LAMA2: variants seen among roughly 807,000 people sequenced by gnomAD.
LAMA2 encodes the protein laminin subunit alpha 2.
In LAMA2, 269 loss-of-function variants were observed where a neutral mutation model predicts 364.8. That is an observed-to-expected ratio of 0.74 (90% CI 0.67 to 0.82). The LOEUF (loss-of-function observed/expected upper bound fraction) is 0.82, where lower values mean the gene tolerates loss of function less well. Ranked by LOEUF, LAMA2 falls within the 40% of genes least tolerant of loss-of-function variation. LAMA2 has a pLI of 0.00. For synonymous variants in LAMA2, 1,379 were observed against 1,370.6 expected, an observed-to-expected ratio of 1.01 and a Z score of -0.14; for missense variants, 3,807 against 3,873.2, an observed-to-expected ratio of 0.98 and a Z score of 0.45.
At chr6:129,374,805 G>A (rs1334375551) in intron 34 of LAMA2, among the ~76,000 whole-genome samples, 4 of 146,808 alleles carry the variant, frequency 2.7e-5, no homozygotes, top group Admixed American at 2.0e-4. Context: ...GGCTGGTCTC[G>A]AACCCCTGAC....
At chr6:129,422,403 T>A (rs2114731454) in intron 40 of LAMA2, among the ~76,000 whole-genome samples, 1 of 152,232 alleles carries the variant, frequency 6.6e-6, no homozygotes, top group South Asian at 2.1e-4. Context: ...AGGGCTGTCA[T>A]GTTTCTGGAT....
intron 8 of LAMA2, among the ~76,000 whole-genome samples, chr6:129,164,665 TCTTTA>T (rs1268652961): frequency 6.6e-6 from 1 of 152,228 alleles, no homozygotes; most frequent in Non-Finnish European, 1.5e-5. Context: ...GTCTGAATTC[TCTTTA>T]CTTTATGGTT....
At chr6:129,506,089 A>C (rs1786048239) in intron 61 of LAMA2, among the ~76,000 whole-genome samples, 1 of 152,098 alleles carries the variant, frequency 6.6e-6, no homozygotes, top group Non-Finnish European at 1.5e-5. Flanking sequence ...ATGGTGGCTC[A>C]CACCTGTAAT....
chr6:129,459,549 A>T (rs1382606507), intron 48 of LAMA2, among the ~76,000 whole-genome samples: 1 of 152,072 alleles, frequency 6.6e-6, no homozygotes, highest in Non-Finnish European at 1.5e-5. Context: ...CTCATTTCCT[A>T]CAAAGTTGCT....
chr6:128,960,192 C>T (rs897836965), intron 1 of LAMA2, among the ~76,000 whole-genome samples: 6 of 151,938 alleles, frequency 3.9e-5, no homozygotes, highest in Admixed American at 1.3e-4. Context: ...AATTCATACA[C>T]CTAACTTAAG....
At chr6:129,251,066 CTCTCTCTCTCTATATA>C (rs1211760763) in intron 13 of LAMA2, among the ~76,000 whole-genome samples, 22 of 68,132 alleles carry the variant, frequency 3.2e-4, no homozygotes, top group Non-Finnish European at 6.0e-4. Flanking sequence ...CTCTCTCTCT[CTCTCTCTCTCTATATA>C]TATATATATA....
Position 129,158,280 on chromosome 6 carries a change from A to T in LAMA2, c.1206+3597A>T. 2.5e-6 allele frequency: 4 copies of T among 1,614,074 alleles called. No homozygotes were observed. In the South Asian group the frequency reaches 4.4e-5, roughly 18 times the overall value. On this transcript the variant is annotated intron_variant, in intron 8 of 64. Coordinates refer to ENST00000421865, the MANE Select transcript of LAMA2 (RefSeq NM_000426.4). Reference sequence around the variant, plus strand: ...AAGTATGTTTTCATGGCGCATTAGCACAGTTTGGTAGATTTCTGTTTCTCG... The same window carrying T: ...AAGTATGTTTTCATGGCGCATTAGCTCAGTTTGGTAGATTTCTGTTTCTCG...
At chr6:129,417,750 C>A (rs1479516677) in intron 40 of LAMA2, among the ~76,000 whole-genome samples, 1 of 152,158 alleles carries the variant, frequency 6.6e-6, no homozygotes, top group Non-Finnish European at 1.5e-5. Flanking sequence ...TGCTCCTTGG[C>A]ACCCAAAATC....
intron 41 of LAMA2, 65 bp downstream of exon 41, chr6:129,427,919 T>G (rs1440461667): frequency 4.2e-6 from 4 of 955,396 alleles, no homozygotes; most frequent in Non-Finnish European, 6.8e-6. Context: ...AGATATTCTA[T>G]CACACTATTG....
rs1034479532 is a variant in LAMA2 at position 129,446,328 on chromosome 6, T to G, written c.6429+507T>G. Among the ~76,000 whole-genome samples the G allele has an allele frequency of 2.0e-5, 3 of 151,406 alleles. No individual in the cohort carries two copies. The East Asian group carries it at 5.8e-4, about 29-fold the overall frequency. ...TTTGGTTATACTTTTTACATTTATT[T>G]TTTGTTTTGGAGTAGATAGGAAATA... On this transcript the variant is annotated intron_variant, in intron 45 of 64. Coordinates refer to ENST00000421865, the MANE Select transcript of LAMA2 (RefSeq NM_000426.4).
At chr6:129,068,235 TC>T (rs1297245719) in intron 3 of LAMA2, among the ~76,000 whole-genome samples, 1 of 152,246 alleles carries the variant, frequency 6.6e-6, no homozygotes, top group African/African-American at 2.4e-5. Flanking sequence ...TCACTGTGCT[TC>T]TTATGATAAA....
intron 4 of LAMA2, among the ~76,000 whole-genome samples, chr6:129,142,234 C>T (rs1019634014): frequency 9.2e-5 from 14 of 151,940 alleles, no homozygotes; most frequent in Non-Finnish European, 7.4e-5. Flanking sequence ...GTTCCATAGA[C>T]TAGGTGGGTT....
At position 129,247,999 on chromosome 6, in the gene LAMA2, A is replaced by G. The variant is rs551320514; in HGVS notation, c.1783-2113A>G. Among the ~76,000 whole-genome samples, 5 of 152,264 alleles carry G rather than the reference A, an allele frequency of 3.3e-5. No individual in the cohort carries two copies. In the East Asian group the frequency reaches 9.6e-4, roughly 29 times the overall value. On this transcript the variant is annotated intron_variant, in intron 12 of 64. Coordinates refer to ENST00000421865, the MANE Select transcript of LAMA2 (RefSeq NM_000426.4). ...GTCAGGGATCCCCAACTCCCGGGCT[A>G]TACAGGTCTGTGGCCTGTTAAGAAT...
chr6:129,236,775 T>A (rs1785024068), intron 12 of LAMA2, among the ~76,000 whole-genome samples: 1 of 152,144 alleles, frequency 6.6e-6, no homozygotes, highest in Non-Finnish European at 1.5e-5. Flanking sequence ...TTATTTTTCC[T>A]CATCTTATAC....
chr6:129,301,330 A>C (rs1477682509), intron 22 of LAMA2, among the ~76,000 whole-genome samples: 2 of 152,182 alleles, frequency 1.3e-5, no homozygotes, highest in Non-Finnish European at 2.9e-5. Flanking sequence ...ATTTTTTCCC[A>C]TTGGTAGACC....
Position 129,349,366 on chromosome 6 carries a change from A to C in LAMA2, c.4505A>C (p.Glu1502Ala). The change falls in exon 31 of 65, where the codon GAA becomes GCA. Residue 1502 changes from glutamate (E) to alanine (A), a missense_variant. Glu to Ala is a moderately radical substitution (Grantham distance 107). Transcript: ENST00000421865. ...YRCTACPRGY[E>A]GQYCERCAPG... ...TGCACGGCTTGTCCACGGGGATATG[A>C]AGGCCAGTACTGTGAAAGGTACCAA... 1 of 1,613,408 alleles carries C rather than the reference A, an allele frequency of 6.2e-7. No individual in the cohort carries two copies. The highest frequency in any genetic ancestry group is 8.5e-7 in the Non-Finnish European group (1 of 1,179,446).
At position 129,190,348 on chromosome 6, in the gene LAMA2, A is replaced by G. The variant is rs548428526; in HGVS notation, c.1608+3A>G. On this transcript the variant is annotated splice_donor_region_variant and intron_variant, in intron 11 of 64. Coordinates refer to ENST00000421865, the MANE Select transcript of LAMA2 (RefSeq NM_000426.4). ...GTTCCTACTGGACCTATGGCAAAGT[A>G]AGCAAGCACCATTTGGTTCTGTTTG... The G allele has an allele frequency of 1.2e-6, 2 of 1,613,080 alleles. No individual in the cohort carries two copies. Among genetic ancestry groups the G allele is most frequent in the Admixed American group, 1.7e-5 (1 of 60,006 alleles).
chr6:128,998,389 G>A lies in LAMA2; in HGVS notation c.113-51529G>A, dbSNP rs938501052. On this transcript the variant is annotated intron_variant, in intron 1 of 64. Transcript: ENST00000421865. ...CTAAGTCAGAAGTATGATGACAGGG[G>A]GAGGAGCCAAGATGGCCGAATAGGA... 2.3e-5 allele frequency among the ~76,000 whole-genome samples: 3 copies of A among 129,020 alleles called. 1 individual carries two copies. Among genetic ancestry groups the A allele is most frequent in the Non-Finnish European group, 4.8e-5 (3 of 62,708 alleles). 84.6% of individuals were successfully genotyped at this position (129,020 alleles called of 152,430 possible). A position where few individuals can be genotyped will look rare whatever the true frequency, so the allele number is the denominator to read the frequency against.
chr6:129,229,423 G>A (rs1385380385), intron 12 of LAMA2, among the ~76,000 whole-genome samples: 1 of 152,168 alleles, frequency 6.6e-6, no homozygotes, highest in Non-Finnish European at 1.5e-5. Context: ...GATGGGGTAA[G>A]AGTGGGGAAG....
Sources: allele counts gnomAD v4.1 joint callset (sites outside exome capture counted in the v4.1 genomes callset), GRCh38; gene constraint gnomAD v4.1.1; transcripts MANE v1.5; gene names NCBI Gene and HGNC (gene_info 2026-07-23, HGNC 2026-07-21).